Variants in ARID1B observed in about 807,000 individuals in gnomAD.
The protein encoded by ARID1B is AT-rich interaction domain 1B.
ARID1B carries 30 observed loss-of-function variants against 212.3 expected under a neutral mutation model. The observed-to-expected ratio is 0.14, with a 90% CI of 0.11 to 0.19. The LOEUF (loss-of-function observed/expected upper bound fraction) is 0.19, where lower values mean the gene tolerates loss of function less well. Among genes scored for constraint, ARID1B ranks in the 10% least tolerant of loss-of-function variants. The probability of loss-of-function intolerance (pLI) is 1.00; values close to 1 mark genes in which losing one functional copy is unlikely to be tolerated. For missense variants in ARID1B, 2,891 were observed against 3,204.0 expected, an observed-to-expected ratio of 0.90 and a Z score of 2.36; for synonymous variants, 1,402 against 1,301.7, an observed-to-expected ratio of 1.08 and a Z score of -1.66.
chr6:156,880,763 AAG>A (rs1491296522), intron 2 of ARID1B, among the ~76,000 whole-genome samples: 5 of 90,836 alleles, frequency 5.5e-5, no homozygotes, highest in Non-Finnish European at 9.7e-5. Flanking sequence ...AAAAAAAAAA[AAG>A]AAAAGAAAAG....
chr6:156,948,316 C>T (rs948553891), intron 4 of ARID1B, among the ~76,000 whole-genome samples: 6 of 152,194 alleles, frequency 3.9e-5, no homozygotes, highest in African/African-American at 1.4e-4. Flanking sequence ...CGCCTAGACT[C>T]AGCCTCCCAC....
chr6:156,939,950 A>C (rs985763702), intron 4 of ARID1B: 2 of 152,250 alleles, frequency 1.3e-5, no homozygotes, highest in African/African-American at 4.8e-5. Context: ...TAAACATGAA[A>C]AAGGAAAAAG....
chr6:156,794,193 A>T (rs76218654), intron 1 of ARID1B, among the ~76,000 whole-genome samples: 2,060 of 151,208 alleles, frequency 0.014, 46 homozygotes, highest in African/African-American at 0.047. Flanking sequence ...GGTAACATTT[A>T]AAAAAAAAGA....
chr6:156,915,418 A>G (rs575899164), intron 3 of ARID1B, among the ~76,000 whole-genome samples: 1 of 149,834 alleles, frequency 6.7e-6, no homozygotes, highest in South Asian at 2.1e-4. Flanking sequence ...AATATAAAAA[A>G]TTAGACAGGT....
At chr6:156,918,988 T>G (rs888845328) in intron 3 of ARID1B, among the ~76,000 whole-genome samples, 1 of 152,192 alleles carries the variant, frequency 6.6e-6, no homozygotes, top group African/African-American at 2.4e-5. Context: ...TATTGTGTGT[T>G]TTGGTGGCGT....
intron 2 of ARID1B, among the ~76,000 whole-genome samples, chr6:156,867,093 C>CCATT (rs1434486175): frequency 2.0e-5 from 3 of 152,306 alleles, no homozygotes; most frequent in Middle Eastern, 6.8e-3. Flanking sequence ...TTTCAGCCAT[C>CCATT]CATTGCATAC....
intron 2 of ARID1B, among the ~76,000 whole-genome samples, chr6:156,875,452 A>G (rs1450854455): frequency 6.6e-6 from 1 of 152,264 alleles, no homozygotes; most frequent in Non-Finnish European, 1.5e-5. Context: ...GTAATGGTCA[A>G]TGTTAAAAGC....
chr6:157,156,013 C>T (rs1160250729), intron 8 of ARID1B, among the ~76,000 whole-genome samples: 2 of 152,166 alleles, frequency 1.3e-5, no homozygotes, highest in Non-Finnish European at 2.9e-5. Flanking sequence ...TTATTTTCCT[C>T]TGAAGCCAGT....
chr6:156,787,112 C>A (rs1054899487), intron 1 of ARID1B, among the ~76,000 whole-genome samples: 1 of 151,760 alleles, frequency 6.6e-6, no homozygotes, highest in Non-Finnish European at 1.5e-5. Flanking sequence ...GATTCACTAC[C>A]GAGAATAATA....
At position 157,148,959 on chromosome 6, in the gene ARID1B, ACCCAGGAGCACGCC is replaced by A; in HGVS notation, c.3089+11_3089+24del. Reference sequence around the variant, plus strand: ...GAACTCAGCACAAAGCAGGTACGCCACCCAGGAGCACGCCCCGGGCAGGTACGCTGTGTGTCTAC... The same window carrying A: ...GAACTCAGCACAAAGCAGGTACGCCACCGGGCAGGTACGCTGTGTGTCTAC... On this transcript the variant is annotated intron_variant, in intron 8 of 19. Coordinates refer to ENST00000636930, the MANE Select transcript of ARID1B (RefSeq NM_001374828.1). This position sits in a 1 kb window ranked among gnomAD's most constrained non-coding sequence, Gnocchi z 5.6. 6.2e-7 allele frequency: 1 copy of A among 1,605,196 alleles called. No individual in the cohort carries two copies. The highest frequency in any genetic ancestry group is 1.1e-5 in the South Asian group (1 of 90,684).
intron 2 of ARID1B, among the ~76,000 whole-genome samples, chr6:156,833,361 A>G (rs947752980): frequency 5.9e-5 from 9 of 152,240 alleles, no homozygotes; most frequent in Admixed American, 5.2e-4. Flanking sequence ...ATTTTAATAT[A>G]AAACGGCACC....
intron 1 of ARID1B, among the ~76,000 whole-genome samples, chr6:156,823,744 C>T (rs1470087821): frequency 7.9e-6 from 1 of 127,326 alleles, no homozygotes; most frequent in East Asian, 2.4e-4. Context: ...AGGAATTGGG[C>T]TGAAAAAAGT....
At chr6:157,045,782 T>G (rs1179753531) in intron 4 of ARID1B, among the ~76,000 whole-genome samples, 5 of 152,216 alleles carry the variant, frequency 3.3e-5, no homozygotes, top group Non-Finnish European at 7.3e-5. Flanking sequence ...TTCAAAACCT[T>G]TAGAGCAGTA....
intron 6 of ARID1B, among the ~76,000 whole-genome samples, chr6:157,129,565 T>C (rs1788387702): frequency 1.3e-5 from 2 of 152,256 alleles, no homozygotes; most frequent in Admixed American, 1.3e-4. Context: ...AATTTCTATG[T>C]AAGGAGGTAG....
chr6:157,189,481 A>AT (rs1416757705), intron 13 of ARID1B, among the ~76,000 whole-genome samples, 161 bp from the exon 14 acceptor site: 1 of 152,224 alleles, frequency 6.6e-6, no homozygotes, highest in Admixed American at 6.5e-5. Context: ...AAAGCAACGA[A>AT]TTTTACAACA....
intron 1 of ARID1B, among the ~76,000 whole-genome samples, chr6:156,805,823 G>A (rs563465431): frequency 2.2e-4 from 33 of 152,050 alleles, no homozygotes; most frequent in Non-Finnish European, 4.0e-4. Context: ...TCACAGATGC[G>A]CACTGCCACA....
At chr6:156,831,292 G>C (rs2128053002) in intron 2 of ARID1B, among the ~76,000 whole-genome samples, 1 of 152,368 alleles carries the variant, frequency 6.6e-6, no homozygotes, top group African/African-American at 2.4e-5. Flanking sequence ...TTGGCCACAG[G>C]AAGAGAGCAG....
chr6:157,117,719 T>A lies in ARID1B; in HGVS notation c.2581+7158T>A, dbSNP rs545688379. Among the ~76,000 whole-genome samples the A allele has an allele frequency of 3.3e-5, 5 of 152,356 alleles. No individual in the cohort carries two copies. The East Asian group carries it at 9.6e-4, about 29-fold the overall frequency. On this transcript the variant is annotated intron_variant, in intron 6 of 19. Coordinates refer to ENST00000636930, the MANE Select transcript of ARID1B (RefSeq NM_001374828.1). ...CACAAGACAACCGAACTAGAAAATC[T>A]TTATTGTTTGGAATTAAGAAAGCTT...
At chr6:156,813,032 A>ATATATATACACATACGTATGTATATACC (rs1781693741) in intron 1 of ARID1B, among the ~76,000 whole-genome samples, 1 of 50,402 alleles carries the variant, frequency 2.0e-5, no homozygotes, top group Admixed American at 2.8e-4. Context: ...ATGTATATAC[A>ATATATATACACATACGTATGTATATACC]TATATATATA....
Sources: allele counts gnomAD v4.1 joint callset (sites outside exome capture counted in the v4.1 genomes callset), GRCh38; gene constraint gnomAD v4.1.1; non-coding constraint Gnocchi (gnomAD v3.1); transcripts MANE v1.5; gene names NCBI Gene and HGNC (gene_info 2026-07-23, HGNC 2026-07-21).